USP24: variants seen among roughly 807,000 people sequenced by gnomAD.
USP24 encodes the protein ubiquitin carboxyl-terminal hydrolase 24.
Under a neutral mutation model 361.6 loss-of-function variants are expected in USP24, and 97 were observed. The observed-to-expected ratio is 0.27, with a 90% CI of 0.23 to 0.32. USP24 has a LOEUF of 0.32. Ranked by LOEUF, USP24 falls within the 10% of genes least tolerant of loss-of-function variation. USP24 has a pLI of 1.00. For synonymous variants in USP24, 1,098 were observed against 1,124.6 expected, an observed-to-expected ratio of 0.98 and a Z score of 0.47; for missense variants, 2,353 against 3,165.6, an observed-to-expected ratio of 0.74 and a Z score of 6.16.
At chr1:55,113,940 G>A (rs1035427883) in intron 38 of USP24, among the ~76,000 whole-genome samples, 1 of 152,124 alleles carries the variant, frequency 6.6e-6, no homozygotes, top group South Asian at 2.1e-4. Context: ...GAAATAAAGG[G>A]TATTCAGATA....
intron 1 of USP24, among the ~76,000 whole-genome samples, chr1:55,200,154 CAG>C (rs1644532892): frequency 6.6e-6 from 1 of 152,218 alleles, no homozygotes; most frequent in Non-Finnish European, 1.5e-5. Context: ...GGTGGGGACA[CAG>C]AGGTTTCCAA....
At chr1:55,159,265 T>C (rs1278543046) in intron 9 of USP24, among the ~76,000 whole-genome samples, 1 of 152,198 alleles carries the variant, frequency 6.6e-6, no homozygotes, top group Non-Finnish European at 1.5e-5. Flanking sequence ...ATAAGTCATA[T>C]TAAATTTAAA....
At chr1:55,145,060 A>G (rs867216198) in intron 20 of USP24, among the ~76,000 whole-genome samples, 1 of 152,226 alleles carries the variant, frequency 6.6e-6, no homozygotes, top group Non-Finnish European at 1.5e-5. Context: ...TGGAACCCTC[A>G]TATATTGCTG....
intron 39 of USP24, among the ~76,000 whole-genome samples, chr1:55,108,131 C>G (rs1645843238): frequency 6.6e-6 from 1 of 152,086 alleles, no homozygotes; most frequent in African/African-American, 2.4e-5. Flanking sequence ...AATCAACACT[C>G]CTGCAGTGTT....
chr1:55,145,722 T>C (rs1057200930), intron 20 of USP24, among the ~76,000 whole-genome samples: 6 of 152,200 alleles, frequency 3.9e-5, no homozygotes, highest in Admixed American at 2.6e-4. Context: ...CCTTGATACA[T>C]TTTTACCTTA....
chr1:55,080,234 C>T (rs2100423850), intron 59 of USP24, among the ~76,000 whole-genome samples: 1 of 152,262 alleles, frequency 6.6e-6, no homozygotes, highest in Non-Finnish European at 1.5e-5. Context: ...TGTCTGAACT[C>T]ACAAAATTAG....
intron 36 of USP24, 149 bp from the exon 37 acceptor site, chr1:55,121,655 C>T: frequency 1.6e-6 from 1 of 644,688 alleles, no homozygotes; most frequent in East Asian, 2.8e-5. Flanking sequence ...GCTTTCATGC[C>T]TGTCCATTTA....
At chr1:55,087,716 T>C (rs955058636) in intron 55 of USP24, among the ~76,000 whole-genome samples, 3 of 152,226 alleles carry the variant, frequency 2.0e-5, no homozygotes, top group Non-Finnish European at 2.9e-5. Flanking sequence ...GGGAATGAAC[T>C]GAACCTGGCT....
At chr1:55,083,565 C>G (rs1276322835) in intron 57 of USP24, among the ~76,000 whole-genome samples, 2 of 151,998 alleles carry the variant, frequency 1.3e-5, no homozygotes. Context: ...AACAATTAAC[C>G]CCTAGTTTTA....
intron 3 of USP24, among the ~76,000 whole-genome samples, chr1:55,173,620 T>C (rs1649668435): frequency 6.6e-6 from 1 of 152,228 alleles, no homozygotes; most frequent in Admixed American, 6.5e-5. Flanking sequence ...TTGGCTTCAC[T>C]GAGAACCTCT....
At chr1:55,102,737 C>CT (rs1464750431) in intron 42 of USP24, among the ~76,000 whole-genome samples, 1 of 151,754 alleles carries the variant, frequency 6.6e-6, no homozygotes, top group Non-Finnish European at 1.5e-5. Flanking sequence ...AAATATTTAT[C>CT]TAACACAGAT....
intron 49 of USP24, 78 bp from the exon 50 acceptor site, chr1:55,096,700 T>C (rs920179165): frequency 4.2e-5 from 63 of 1,517,566 alleles, no homozygotes; most frequent in South Asian, 1.7e-4. Flanking sequence ...TCTCAATGTA[T>C]TGTCTACAAA....
intron 5 of USP24, among the ~76,000 whole-genome samples, chr1:55,169,569 C>T (rs187259175): frequency 2.6e-5 from 4 of 152,218 alleles, no homozygotes; most frequent in Admixed American, 2.0e-4. Flanking sequence ...TTTCAAAATA[C>T]AGCCATGGAG....
At chr1:55,130,063 AGTGACT>A (rs1347804471) in intron 31 of USP24, among the ~76,000 whole-genome samples, 1 of 152,168 alleles carries the variant, frequency 6.6e-6, no homozygotes, top group Non-Finnish European at 1.5e-5. Flanking sequence ...AAGTAGGTTA[AGTGACT>A]GCCCACCCAA....
In USP24 at chr1:55,097,120, T is replaced by A; in HGVS notation, c.5768A>T (p.Gln1923Leu). ...TTCCCCAACTTCAGAAGAAGAATCT[T>A]GGCGAGCCATTCCTGAAACTGTGTA... ...EPYTVSGMARQDSSSEVGENG... is the reference protein window; with the variant it reads ...EPYTVSGMARLDSSSEVGENG... The change falls in exon 49 of 68, where the codon CAA becomes CTA. Residue 1923 changes from glutamine to leucine, a missense_variant. Transcript: ENST00000294383. 6.2e-7 allele frequency: 1 copy of A among 1,613,698 alleles called. No homozygotes were observed. The highest frequency in any genetic ancestry group is 8.5e-7 in the Non-Finnish European group (1 of 1,179,840).
Position 55,123,450 on chromosome 1 carries a change from G to A in USP24, c.4273C>T (p.Leu1425=). The A allele has an allele frequency of 1.3e-6, 2 of 1,586,368 alleles. No individual in the cohort carries two copies. The highest frequency in any genetic ancestry group is 1.7e-6 in the Non-Finnish European group (2 of 1,166,000). ...CACAAACAAGCCTCCAGCATACCCA[G>A]TTGCTGGCTCCGAAGCTGTAGGCAC... ...VTCLQLRSQQ[L]ASFYNLPCVA... Residue 1425 remains leucine, a synonymous_variant, in exon 36 of 68, where the codon CTG becomes TTG. Transcript: ENST00000294383.
intron 28 of USP24, among the ~76,000 whole-genome samples, chr1:55,134,740 T>C (rs1480951860): frequency 6.6e-6 from 1 of 152,208 alleles, no homozygotes; most frequent in East Asian, 1.9e-4. Context: ...TAGGCACCAC[T>C]GAGCTAATGA....
rs189234914 is a variant in USP24 at position 55,067,773 on chromosome 1, G to C, written c.*1272C>G. The C allele has an allele frequency of 6.6e-6, 1 of 152,164 alleles. No individual in the cohort carries two copies. Among genetic ancestry groups the C allele is most frequent in the Non-Finnish European group, 1.5e-5 (1 of 68,022 alleles). The allele number at this position is 152,164 out of a possible 1,614,324, so 9.4% of individuals were successfully genotyped here. ...AAAGGCAAAACAGGGCCGAAAATGT[G>C]AGCAATTCAAAATACAAAATGTACA... is the stretch of plus-strand genomic sequence containing the variant. On this transcript the variant is annotated 3_prime_UTR_variant, in exon 68 of 68. Transcript: ENST00000294383.
At chr1:55,097,300 C>G (rs1645518056) in intron 48 of USP24, 128 bp from the exon 49 acceptor site, 1 of 1,143,354 alleles carries the variant, frequency 8.7e-7, no homozygotes, top group Non-Finnish European at 1.2e-6. Flanking sequence ...CTCACCAGTT[C>G]AAGTATAAAA....
Sources: allele counts gnomAD v4.1 joint callset (sites outside exome capture counted in the v4.1 genomes callset), GRCh38; gene constraint gnomAD v4.1.1; transcripts MANE v1.5; gene names NCBI Gene and HGNC (gene_info 2026-07-23, HGNC 2026-07-21).